Variants in CWF19L2 observed in about 807,000 individuals in gnomAD.
CWF19L2 encodes the protein CWF19 like cell cycle control factor 2.
CWF19L2 carries 98 observed loss-of-function variants against 111.7 expected under a neutral mutation model. The observed-to-expected ratio is 0.88, with a 90% CI of 0.75 to 1.04. The LOEUF is 1.04. CWF19L2 is among the 50% of genes least tolerant of loss of function. The pLI, the probability that CWF19L2 is intolerant of heterozygous loss-of-function variation, is 0.00. For missense variants in CWF19L2, 1,101 were observed against 1,051.4 expected (o/e 1.05, Z -0.65); for synonymous variants, 351 against 342.9 (o/e 1.02, Z -0.26).
At position 107,411,819 on chromosome 11, in the gene CWF19L2, T is replaced by C. The variant is rs541045990; in HGVS notation, c.1617+4390A>G. Among the ~76,000 whole-genome samples, 69 of 152,086 alleles carry C rather than the reference T, an allele frequency of 4.5e-4. 1 individual carries two copies. Among genetic ancestry groups the C allele is most frequent in the African/African-American group, 1.6e-3 (67 of 41,478 alleles). Reference sequence around the variant, plus strand: ...TGATAATCAAAGTAAAATAGAAGAGTACTTATGATTCTTATTTTATTTTCT... The same window carrying C: ...TGATAATCAAAGTAAAATAGAAGAGCACTTATGATTCTTATTTTATTTTCT... On this transcript the variant is annotated intron_variant, in intron 10 of 17. Coordinates refer to ENST00000282251, the MANE Select transcript of CWF19L2 (RefSeq NM_152434.3).
chr11:107,443,537 A>G (rs1861661635), intron 3 of CWF19L2, among the ~76,000 whole-genome samples: 1 of 152,170 alleles, frequency 6.6e-6, no homozygotes, highest in African/African-American at 2.4e-5. Flanking sequence ...AGTTAAGCCC[A>G]CCAAACACAA....
intron 14 of CWF19L2, among the ~76,000 whole-genome samples, chr11:107,339,584 TAAATATCA>T (rs1859974969): frequency 6.6e-6 from 1 of 152,154 alleles, no homozygotes; most frequent in Admixed American, 6.6e-5. Flanking sequence ...CCAATGATAT[TAAATATCA>T]TTTTTATATG....
intron 14 of CWF19L2, among the ~76,000 whole-genome samples, chr11:107,342,072 T>C (rs1175603036): frequency 1.3e-5 from 2 of 152,030 alleles, no homozygotes; most frequent in Non-Finnish European, 2.9e-5. Flanking sequence ...TCTGCTCTTA[T>C]CTTTATTATT....
At chr11:107,364,434 C>G (rs1860406763) in intron 12 of CWF19L2, among the ~76,000 whole-genome samples, 1 of 148,444 alleles carries the variant, frequency 6.7e-6, no homozygotes, top group Non-Finnish European at 1.5e-5. Context: ...TAAAGCTCTC[C>G]TCAGCAAATG....
intron 14 of CWF19L2, 37 bp downstream of exon 14, chr11:107,348,900 G>C (rs1171674790): frequency 8.2e-7 from 1 of 1,220,346 alleles, no homozygotes; most frequent in Non-Finnish European, 1.2e-6. Flanking sequence ...AATTGCTCAT[G>C]AGTTTTAAAA....
intron 12 of CWF19L2, among the ~76,000 whole-genome samples, chr11:107,358,877 TC>T (rs1860279677): frequency 6.6e-6 from 1 of 152,128 alleles, no homozygotes; most frequent in African/African-American, 2.4e-5. Flanking sequence ...TCTTGAGGAC[TC>T]CCCAACATCA....
At chr11:107,455,590 A>T in intron 2 of CWF19L2, 76 bp downstream of exon 2, 1 of 775,836 alleles carries the variant, frequency 1.3e-6, no homozygotes, top group Non-Finnish European at 2.0e-6. Flanking sequence ...CTATAAAATT[A>T]TTCATCCAAT....
chr11:107,333,664 A>G (rs1178782787), intron 16 of CWF19L2, among the ~76,000 whole-genome samples: 1 of 152,216 alleles, frequency 6.6e-6, no homozygotes, highest in Non-Finnish European at 1.5e-5. Flanking sequence ...CCAGCAGAGA[A>G]GAGAAAATGA....
In CWF19L2 at chr11:107,428,890, C is replaced by G. The variant is rs1031975772; in HGVS notation, c.1342G>C (p.Glu448Gln). ...TSTDEHQHVP[E>Q]DPREKSQDEV... is the part of the protein sequence containing the mutation. ...TCTTGTGATTTTTCTCTTGGGTCTTCTGGAACATGTTGGTGTTCATCAGTA... is the reference window on the plus strand; with the variant it reads ...TCTTGTGATTTTTCTCTTGGGTCTTGTGGAACATGTTGGTGTTCATCAGTA... Residue 448 changes from glutamate to glutamine, a missense_variant, in exon 8 of 18, where the codon GAA (glutamate) becomes CAA (glutamine). Physicochemically the swap from Glu to Gln is conservative, Grantham distance 29. Transcript: ENST00000282251. 12 of 1,613,638 alleles carry G rather than the reference C, an allele frequency of 7.4e-6. No individual in the cohort carries two copies. The highest frequency in any genetic ancestry group is 1.0e-5 in the Non-Finnish European group (12 of 1,179,710).
intron 8 of CWF19L2, among the ~76,000 whole-genome samples, chr11:107,421,056 G>C (rs1861296749): frequency 6.6e-6 from 1 of 152,038 alleles, no homozygotes; most frequent in South Asian, 2.1e-4. Context: ...TATACAAACA[G>C]TCTCATAAAT....
chr11:107,393,251 A>G (rs1860874942), intron 10 of CWF19L2, among the ~76,000 whole-genome samples: 1 of 152,174 alleles, frequency 6.6e-6, no homozygotes, highest in Non-Finnish European at 1.5e-5. Flanking sequence ...ATCCTATTAA[A>G]ATCTGATTAT....
In CWF19L2 at chr11:107,348,963, CCAA is replaced by C. The variant is rs368279169; in HGVS notation, c.2173_2175del (p.Leu725del). ...TGGATCTCCTCCCAGATGTCTTCAT[CCAA>C]CAAAGTAGCTGCTCTATGGTGCTGC... On this transcript the variant is annotated inframe_deletion, in exon 14 of 18. Transcript: ENST00000282251. 2.9e-3 allele frequency: 4,690 copies of C among 1,607,372 alleles called. 54 individuals carry two copies. Among genetic ancestry groups the C allele is most frequent in the Middle Eastern group, 0.021 (125 of 6,026 alleles).
Position 107,334,865 on chromosome 11 carries a change from G to A in CWF19L2, c.2439+16C>T, listed in dbSNP as rs755774982. ...GCACTAGGGTAATTTCTTTTACCAG[G>A]AAAAAACATACTTACAGACTTTCTG... On this transcript the variant is annotated intron_variant, in intron 16 of 17. Coordinates refer to ENST00000282251, the MANE Select transcript of CWF19L2 (RefSeq NM_152434.3). The A allele has an allele frequency of 6.7e-7, 1 of 1,496,734 alleles. No individual in the cohort carries two copies. The highest frequency in any genetic ancestry group is 1.2e-5 in the South Asian group (1 of 86,722). 92.7% of individuals were successfully genotyped at this position (1,496,734 alleles called of 1,614,324 possible).
At chr11:107,443,098 A>G (rs1271856494) in intron 3 of CWF19L2, 49 bp from the exon 4 acceptor site, 1 of 1,257,558 alleles carries the variant, frequency 8.0e-7, no homozygotes, top group African/African-American at 1.5e-5. Flanking sequence ...GCATACTTTG[A>G]TATAAAAATT....
intron 12 of CWF19L2, among the ~76,000 whole-genome samples, chr11:107,374,855 T>TG (rs1860574078): frequency 6.6e-6 from 1 of 151,772 alleles, no homozygotes; most frequent in Non-Finnish European, 1.5e-5. Context: ...GAACCATCAG[T>TG]GTGCTGTATT....
chr11:107,346,572 T>G lies in CWF19L2; in HGVS notation c.2202+2365A>C, dbSNP rs1331505394. Reference sequence around the variant, plus strand: ...TGGCAGCACCAAGTACTTATGGACGTGGAGGTGAAGGTGTGGCTAAAAACA... The same window carrying G: ...TGGCAGCACCAAGTACTTATGGACGGGGAGGTGAAGGTGTGGCTAAAAACA... On this transcript the variant is annotated intron_variant, in intron 14 of 17. Transcript: ENST00000282251. Among the ~76,000 whole-genome samples the G allele has an allele frequency of 3.3e-5, 5 of 152,266 alleles. No individual in the cohort carries two copies. In the South Asian group the frequency reaches 1.0e-3, roughly 32 times the overall value.
At chr11:107,332,755 C>T (rs1262567350) in intron 16 of CWF19L2, among the ~76,000 whole-genome samples, 1 of 152,020 alleles carries the variant, frequency 6.6e-6, no homozygotes, top group Non-Finnish European at 1.5e-5. Context: ...CAAAAAGTGA[C>T]CTCCTTTGGA....
intron 5 of CWF19L2, among the ~76,000 whole-genome samples, chr11:107,441,282 T>C (rs1392952994): frequency 6.6e-6 from 1 of 152,186 alleles, no homozygotes; most frequent in East Asian, 1.9e-4. Flanking sequence ...CTCAACTTTA[T>C]ATATGCCCTA....
At chr11:107,343,345 C>T (rs1860032144) in intron 14 of CWF19L2, among the ~76,000 whole-genome samples, 1 of 150,288 alleles carries the variant, frequency 6.7e-6, no homozygotes, top group Non-Finnish European at 1.5e-5. Context: ...GTGGATTGAC[C>T]CTTTCATCAT....
Sources: allele counts gnomAD v4.1 joint callset (sites outside exome capture counted in the v4.1 genomes callset), GRCh38; gene constraint gnomAD v4.1.1; transcripts MANE v1.5; gene names NCBI Gene and HGNC (gene_info 2026-07-23, HGNC 2026-07-21).